BLTP2: variants seen among roughly 807,000 people sequenced by gnomAD.
The protein encoded by BLTP2 is U937-associated antigen.
the BLTP2 span, chr17:28,631,633 A>G: frequency 6.2e-7 from 1 of 1,614,186 alleles, no homozygotes; most frequent in East Asian, 2.2e-5. Context: ...GTCACTCACC[A>G]TCTGGGTAAC....
At chr17:28,633,969 T>C in the BLTP2 span, 21 of 1,613,990 alleles carry the variant, frequency 1.3e-5, no homozygotes, top group Non-Finnish European at 1.7e-5. Context: ...AAGCCCCAAG[T>C]GCAAGATCTG....
chr17:28,631,558 T>A, the BLTP2 span: 10 of 1,614,000 alleles, frequency 6.2e-6, no homozygotes, highest in South Asian at 1.1e-4. Flanking sequence ...TACCAAGGGA[T>A]CAAGACAGTG....
At chr17:28,631,062 G>T in the BLTP2 span, among the ~76,000 whole-genome samples, 1 of 152,176 alleles carries the variant, frequency 6.6e-6, no homozygotes, top group Non-Finnish European at 1.5e-5. Context: ...TACTCCTATG[G>T]ACTTTACTGT....
the BLTP2 span, chr17:28,632,325 G>A: frequency 7.6e-7 from 1 of 1,310,756 alleles, no homozygotes; most frequent in Non-Finnish European, 1.0e-6. Context: ...GGTTGTAGAG[G>A]TTTAAAAATC....
the BLTP2 span, chr17:28,616,088 G>T: frequency 1.2e-6 from 2 of 1,606,646 alleles, no homozygotes; most frequent in Non-Finnish European, 1.7e-6. The surrounding 1 kb of genome is among the most constrained non-coding windows in gnomAD (Gnocchi z 4.8). Context: ...TGCTTGAGAG[G>T]TGCAGACCTT....
chr17:28,623,633 A>G, the BLTP2 span: 4 of 755,182 alleles, frequency 5.3e-6, no homozygotes, highest in South Asian at 7.1e-5. Context: ...GCCCACATTC[A>G]AGGTGTTATT....
At chr17:28,643,610 G>A in the BLTP2 span, 210 of 1,613,166 alleles carry the variant, frequency 1.3e-4, no homozygotes, top group East Asian at 1.8e-4. Flanking sequence ...GGGTACTCAC[G>A]GAAGATCATG....
the BLTP2 span, chr17:28,642,379 C>T: frequency 3.2e-6 from 5 of 1,553,662 alleles, no homozygotes; most frequent in African/African-American, 2.7e-5. Flanking sequence ...TTGCCGGGCG[C>T]GGTGGCTCAC....
the BLTP2 span, chr17:28,619,988 T>C: frequency 6.2e-7 from 1 of 1,613,742 alleles, no homozygotes; most frequent in South Asian, 1.1e-5. Context: ...AGCTGGAACC[T>C]GACCCGTTGC....
chr17:28,638,485 C>T, the BLTP2 span: 8 of 1,595,926 alleles, frequency 5.0e-6, no homozygotes, highest in African/African-American at 2.7e-5. Context: ...GCTCCACTAA[C>T]GGACAGATTC....
chr17:28,637,965 G>C, the BLTP2 span: 1 of 1,614,204 alleles, frequency 6.2e-7, no homozygotes, highest in Non-Finnish European at 8.5e-7. Context: ...GGACCCATCA[G>C]GGATAAGATA....
At chr17:28,640,646 G>A in the BLTP2 span, 4 of 1,613,742 alleles carry the variant, frequency 2.5e-6, no homozygotes, top group African/African-American at 5.3e-5. Context: ...GAAGGAATAG[G>A]CCAGGCAGAG....
At chr17:28,618,864 C>T in the BLTP2 span, 32 of 1,614,040 alleles carry the variant, frequency 2.0e-5, no homozygotes, top group African/African-American at 4.0e-5. Flanking sequence ...CAGGCGCCAC[C>T]GTGCCTGAGC....
At chr17:28,638,216 C>T in the BLTP2 span, 1 of 1,602,394 alleles carries the variant, frequency 6.2e-7, no homozygotes, top group Non-Finnish European at 8.5e-7. Flanking sequence ...ATGAGGAAAG[C>T]TGTGCAGGCC....
the BLTP2 span, chr17:28,639,289 A>T: frequency 1.4e-5 from 23 of 1,613,172 alleles, 1 homozygote; most frequent in Middle Eastern, 1.7e-4. Context: ...ACTGACAAGA[A>T]GGTGGCTGAA....
the BLTP2 span, among the ~76,000 whole-genome samples, chr17:28,624,900 G>T: frequency 6.6e-6 from 1 of 151,936 alleles, no homozygotes; most frequent in African/African-American, 2.4e-5. Context: ...TCTCTTAATG[G>T]GTTTGTCTAA....
chr17:28,643,702 T>C, the BLTP2 span: 1 of 1,573,920 alleles, frequency 6.4e-7, no homozygotes. Context: ...AGCTGCTAAA[T>C]AAGCCACGAG....
chr17:28,621,231 C>A, the BLTP2 span: 8 of 1,553,528 alleles, frequency 5.1e-6, no homozygotes, highest in Non-Finnish European at 7.1e-6. Flanking sequence ...ATGTGAGAGC[C>A]TCCCAGCTAT....
chr17:28,622,940 T>C, the BLTP2 span, among the ~76,000 whole-genome samples: 1 of 152,062 alleles, frequency 6.6e-6, no homozygotes, highest in Non-Finnish European at 1.5e-5. Context: ...CCGGGCATGG[T>C]GGGGCACGCC....
Sources: allele counts gnomAD v4.1 joint callset (sites outside exome capture counted in the v4.1 genomes callset), GRCh38; gene constraint gnomAD v4.1.1; non-coding constraint Gnocchi (gnomAD v3.1); transcripts MANE v1.5; gene names NCBI Gene and HGNC (gene_info 2026-07-23, HGNC 2026-07-21).